Variants in PATJ observed in about 807,000 individuals in gnomAD.
PATJ encodes inaD-like protein.
In PATJ, 190 loss-of-function variants were observed where a neutral mutation model predicts 224.9. The observed-to-expected ratio is 0.84, with a 90% confidence interval of 0.75 to 0.95. The LOEUF (loss-of-function observed/expected upper bound fraction) is 0.95, where lower values mean the gene tolerates loss of function less well. Ranked by LOEUF, PATJ falls within the 40% of genes least tolerant of loss-of-function variation. The pLI, the probability that PATJ is intolerant of heterozygous loss-of-function variation, is 0.00. For missense variants in PATJ, 2,121 were observed against 2,270.3 expected (o/e 0.93, Z 1.34); for synonymous variants, 769 against 820.3 (o/e 0.94, Z 1.07).
chr1:61,821,353 A>C (rs940817560), intron 14 of PATJ, among the ~76,000 whole-genome samples: 1 of 152,192 alleles, frequency 6.6e-6, no homozygotes, highest in Non-Finnish European at 1.5e-5. Context: ...CGGAAAAACT[A>C]TCTTAGCCTT....
At chr1:61,850,755 T>C (rs925711297) in intron 17 of PATJ, among the ~76,000 whole-genome samples, 3 of 152,274 alleles carry the variant, frequency 2.0e-5, no homozygotes, top group African/African-American at 7.2e-5. Context: ...GGTTAAGTTA[T>C]TTAATTTTTC....
intron 14 of PATJ, among the ~76,000 whole-genome samples, chr1:61,818,665 G>A (rs1656648978): frequency 6.6e-6 from 1 of 152,182 alleles, no homozygotes. Flanking sequence ...ATTGTTTCTG[G>A]TTTATTTGTT....
intron 31 of PATJ, among the ~76,000 whole-genome samples, chr1:62,064,043 T>C (rs1430884117): frequency 6.6e-6 from 1 of 152,172 alleles, no homozygotes; most frequent in Non-Finnish European, 1.5e-5. Flanking sequence ...CTATGTTGAA[T>C]AGGAGTGGTG....
chr1:61,901,066 T>TAA (rs1281832390), intron 23 of PATJ, among the ~76,000 whole-genome samples: 29 of 152,248 alleles, frequency 1.9e-4, no homozygotes, highest in Non-Finnish European at 2.9e-4. Flanking sequence ...TTTATTGTTC[T>TAA]AGAAATCTAT....
intron 31 of PATJ, among the ~76,000 whole-genome samples, chr1:62,075,770 T>C (rs1161141746): frequency 6.6e-6 from 1 of 151,856 alleles, no homozygotes. Context: ...TACAAAAAAT[T>C]AGCCAGGCGT....
At chr1:62,141,953 G>C (rs1238204490) in intron 41 of PATJ, among the ~76,000 whole-genome samples, 1 of 152,174 alleles carries the variant, frequency 6.6e-6, no homozygotes, top group Non-Finnish European at 1.5e-5. Context: ...CTGGGCAACA[G>C]AGCAAGCCTC....
At chr1:61,777,042 A>G (rs1011987796) in intron 7 of PATJ, among the ~76,000 whole-genome samples, 1 of 152,000 alleles carries the variant, frequency 6.6e-6, no homozygotes, top group Non-Finnish European at 1.5e-5. Flanking sequence ...CTACTTTTTT[A>G]TGTGGAACAC....
intron 34 of PATJ, among the ~76,000 whole-genome samples, chr1:62,112,223 G>A (rs1452288876): frequency 6.6e-6 from 1 of 152,010 alleles, no homozygotes; most frequent in Non-Finnish European, 1.5e-5. Flanking sequence ...AAAGCCTTGG[G>A]GGCCGGGTGC....
chr1:61,901,499 G>C, intron 24 of PATJ, 40 bp downstream of exon 24: 1 of 1,373,208 alleles, frequency 7.3e-7, no homozygotes, highest in Non-Finnish European at 1.0e-6. Flanking sequence ...GGAAACATAC[G>C]GTAAGACAGT....
intron 43 of PATJ, among the ~76,000 whole-genome samples, chr1:62,154,882 C>T (rs938496569): frequency 4.6e-5 from 7 of 152,262 alleles, no homozygotes; most frequent in Admixed American, 1.3e-4. Flanking sequence ...ACATTTACCC[C>T]CTTCCTGCAT....
chr1:62,014,793 C>T (rs1646673534), intron 28 of PATJ, among the ~76,000 whole-genome samples: 2 of 151,944 alleles, frequency 1.3e-5, no homozygotes, highest in South Asian at 4.2e-4. Context: ...TCTTGAACTC[C>T]TGAGCTCAGG....
chr1:61,996,640 G>A (rs1645370918), intron 28 of PATJ, among the ~76,000 whole-genome samples: 1 of 151,738 alleles, frequency 6.6e-6, no homozygotes. Context: ...AGAAACAGTA[G>A]TTTGAGGAAC....
At chr1:62,002,011 T>A (rs1052420762) in intron 28 of PATJ, among the ~76,000 whole-genome samples, 2 of 152,024 alleles carry the variant, frequency 1.3e-5, no homozygotes, top group African/African-American at 4.8e-5. Flanking sequence ...GAGAATTGGG[T>A]GCTGGGTTTT....
In PATJ at chr1:62,160,923, G is replaced by A; in HGVS notation, c.5518G>A (p.Asp1840Asn). ...TVFAKGAAADDGRLKRGDQIL... is the reference protein window; with the variant it reads ...TVFAKGAAADNGRLKRGDQIL... Reference sequence around the variant, plus strand: ...TTGTTTGTAGGGAGCAGCTGCAGATGACGGCCGATTAAAACGAGGGGATCA... The same window carrying A: ...TTGTTTGTAGGGAGCAGCTGCAGATAACGGCCGATTAAAACGAGGGGATCA... The change falls in exon 44 of 44, where the codon GAC (aspartate) becomes AAC (asparagine). Residue 1840 changes from aspartate (D) to asparagine (N), a missense_variant. Coordinates refer to ENST00000642238, the MANE Select transcript of PATJ (RefSeq NM_001350145.3). 1 of 1,614,002 alleles carries A rather than the reference G, an allele frequency of 6.2e-7. No homozygotes were observed. The highest frequency in any genetic ancestry group is 8.5e-7 in the Non-Finnish European group (1 of 1,179,992).
intron 27 of PATJ, among the ~76,000 whole-genome samples, chr1:61,985,050 C>T (rs539884593): frequency 2.0e-5 from 3 of 152,012 alleles, no homozygotes; most frequent in East Asian, 3.8e-4. Context: ...TGGTGGCTCA[C>T]GCCTAATAAT....
At chr1:61,854,182 T>C (rs769839093) in intron 17 of PATJ, among the ~76,000 whole-genome samples, 2 of 152,336 alleles carry the variant, frequency 1.3e-5, no homozygotes, top group South Asian at 4.1e-4. Context: ...CTTACTTTGC[T>C]AATTCCAAAG....
chr1:61,886,278 A>G (rs1255510591), intron 22 of PATJ, among the ~76,000 whole-genome samples: 1 of 152,224 alleles, frequency 6.6e-6, no homozygotes, highest in Admixed American at 6.5e-5. Context: ...GGAGAAAATG[A>G]GTGAACTAGA....
In PATJ at chr1:62,084,534, G is replaced by C. The variant is rs576609606; in HGVS notation, c.4263G>C (p.Leu1421=). 1.5e-5 allele frequency: 24 copies of C among 1,611,240 alleles called. No homozygotes were observed. The South Asian group carries it at 2.6e-4, about 17-fold the overall frequency. ...FTGYGGFQAP[L]SVDPATCPIV... is the part of the protein sequence containing the mutation. Reference sequence around the variant, plus strand: ...TTCCAGGTGGTTTCCAGGCTCCTCTGTCAGTGGACCCCGCAACGTGTCCCA... The same window carrying C: ...TTCCAGGTGGTTTCCAGGCTCCTCTCTCAGTGGACCCCGCAACGTGTCCCA... Residue 1421 remains leucine, a synonymous_variant, in exon 33 of 44, where the codon CTG becomes CTC. Coordinates refer to ENST00000642238, the MANE Select transcript of PATJ (RefSeq NM_001350145.3).
In PATJ at chr1:61,864,220, TGC is replaced by T; in HGVS notation, c.2440-17_2440-16del. On this transcript the variant is annotated splice_polypyrimidine_tract_variant and intron_variant, in intron 19 of 43. Coordinates refer to ENST00000642238, the MANE Select transcript of PATJ (RefSeq NM_001350145.3). The stretch of plus-strand genomic sequence containing the variant: ...GGACAGGCGTAACTTCACATTTTTT[TGC>T]ATCTTTTATTTATAGGGATTTAGAG... The T allele has an allele frequency of 6.4e-7, 1 of 1,570,112 alleles. No individual in the cohort carries two copies. The highest frequency in any genetic ancestry group is 1.8e-5 in the Admixed American group (1 of 54,120).
Sources: allele counts gnomAD v4.1 joint callset (sites outside exome capture counted in the v4.1 genomes callset), GRCh38; gene constraint gnomAD v4.1.1; transcripts MANE v1.5; gene names NCBI Gene and HGNC (gene_info 2026-07-23, HGNC 2026-07-21).